Variants in LRRTM4 observed in about 807,000 individuals in gnomAD.
LRRTM4 encodes leucine-rich repeat transmembrane neuronal protein 4.
In LRRTM4, 25 loss-of-function variants were observed where a neutral mutation model predicts 47.6. That is an observed-to-expected ratio of 0.53 (90% CI 0.38 to 0.73). LRRTM4 has a LOEUF of 0.73. Ranked by LOEUF, LRRTM4 falls within the 30% of genes least tolerant of loss-of-function variation. The probability of loss-of-function intolerance (pLI) is 0.00; values close to 1 mark genes in which losing one functional copy is unlikely to be tolerated. For missense variants in LRRTM4, 638 were observed against 713.4 expected (o/e 0.89, Z 1.20); for synonymous variants, 311 against 269.5 (o/e 1.15, Z -1.51).
intron 3 of LRRTM4, among the ~76,000 whole-genome samples, chr2:77,170,389 A>G (rs1359441801): frequency 6.6e-6 from 1 of 152,174 alleles, no homozygotes; most frequent in Non-Finnish European, 1.5e-5. Flanking sequence ...TCCTACAACC[A>G]TAAGGAACTA....
At chr2:76,782,634 C>G (rs376791751) in intron 3 of LRRTM4, among the ~76,000 whole-genome samples, 47 of 152,244 alleles carry the variant, frequency 3.1e-4, no homozygotes, top group African/African-American at 9.6e-4. Context: ...CTGCACGGGT[C>G]TGTGCTTTTT....
chr2:77,521,049 CTTTTT>C (rs1679471107), intron 2 of LRRTM4, among the ~76,000 whole-genome samples: 1 of 149,956 alleles, frequency 6.7e-6, no homozygotes, highest in Non-Finnish European at 1.5e-5. Flanking sequence ...TCTTTTTTTT[CTTTTT>C]AATTTAAAAC....
chr2:76,819,804 C>T (rs899264621), intron 3 of LRRTM4, among the ~76,000 whole-genome samples: 5 of 151,924 alleles, frequency 3.3e-5, no homozygotes, highest in Admixed American at 6.6e-5. Flanking sequence ...TTCATGTACA[C>T]TCATCCTTCC....
At chr2:76,908,337 A>AAG (rs1281349125) in intron 3 of LRRTM4, among the ~76,000 whole-genome samples, 1,899 of 151,828 alleles carry the variant, frequency 0.013, 51 homozygotes, top group South Asian at 0.067. Flanking sequence ...TTGATGGGCC[A>AAG]TATCTCAAAA....
At chr2:76,932,229 CTTGAG>C (rs1674793938) in intron 3 of LRRTM4, among the ~76,000 whole-genome samples, 1 of 152,044 alleles carries the variant, frequency 6.6e-6, no homozygotes, top group South Asian at 2.1e-4. Flanking sequence ...ATGACTGAAC[CTTGAG>C]TTTAGTTACT....
intron 3 of LRRTM4, among the ~76,000 whole-genome samples, chr2:77,221,817 G>A (rs942179358): frequency 6.6e-6 from 1 of 152,094 alleles, no homozygotes; most frequent in Admixed American, 6.6e-5. Flanking sequence ...AGTTAACAGG[G>A]CTATCCAGGA....
intron 3 of LRRTM4, among the ~76,000 whole-genome samples, chr2:76,928,518 A>G (rs10187924): frequency 6.6e-6 from 1 of 151,898 alleles, no homozygotes; most frequent in Non-Finnish European, 1.5e-5. Flanking sequence ...GTGGTGAAAG[A>G]TCAAAGCCTT....
chr2:77,047,009 T>A (rs904263849), intron 3 of LRRTM4, among the ~76,000 whole-genome samples: 5 of 152,062 alleles, frequency 3.3e-5, no homozygotes, highest in African/African-American at 1.2e-4. Flanking sequence ...ATAATAAAGA[T>A]ACATTCTGCT....
At chr2:77,427,629 G>A (rs1435915904) in intron 3 of LRRTM4, among the ~76,000 whole-genome samples, 1 of 152,120 alleles carries the variant, frequency 6.6e-6, no homozygotes, top group African/African-American at 2.4e-5. Context: ...ATATAGTTGA[G>A]TTGTTGATTT....
At chr2:77,073,811 A>G (rs1680243474) in intron 3 of LRRTM4, among the ~76,000 whole-genome samples, 1 of 152,030 alleles carries the variant, frequency 6.6e-6, no homozygotes, top group African/African-American at 2.4e-5. Context: ...TAGTTTTAAA[A>G]ATTCACTATG....
chr2:77,050,036 T>G (rs1325180481), intron 3 of LRRTM4, among the ~76,000 whole-genome samples: 3 of 152,046 alleles, frequency 2.0e-5, no homozygotes, highest in African/African-American at 7.2e-5. Context: ...CATAATATAT[T>G]CTAATTTATA....
At chr2:77,223,144 GA>G (rs1200962017) in intron 3 of LRRTM4, among the ~76,000 whole-genome samples, 4 of 152,204 alleles carry the variant, frequency 2.6e-5, no homozygotes, top group African/African-American at 9.6e-5. Context: ...AAAGGCCTTT[GA>G]AAAAATTCAA....
rs1173919223 is a variant in LRRTM4, at chr2:76,956,404, C to A, written c.1552-207488G>T. Among the ~76,000 whole-genome samples the A allele has an allele frequency of 2.0e-5, 3 of 151,212 alleles. No homozygotes were observed. The Admixed American group carries it at 2.0e-4, about 10-fold the overall frequency. On this transcript the variant is annotated intron_variant, in intron 3 of 3. Transcript: ENST00000409884. ...GTCCAAAGGGAAATTAGAAAATATC[C>A]TGATAGAAACAAAAATAAAGCACAA... is the stretch of plus-strand genomic sequence containing the variant.
chr2:77,167,194 T>C (rs1485522545), intron 3 of LRRTM4, among the ~76,000 whole-genome samples: 4 of 152,180 alleles, frequency 2.6e-5, no homozygotes, highest in African/African-American at 7.2e-5. Context: ...AACAGACTCA[T>C]GAAAAAATGC....
chr2:77,074,594 G>A (rs1680271654), intron 3 of LRRTM4, among the ~76,000 whole-genome samples: 1 of 151,978 alleles, frequency 6.6e-6, no homozygotes, highest in Admixed American at 6.6e-5. Flanking sequence ...TTACATATGT[G>A]TATATATCTG....
chr2:77,391,828 TA>T (rs1334855849), intron 3 of LRRTM4, among the ~76,000 whole-genome samples: 2 of 151,950 alleles, frequency 1.3e-5, no homozygotes, highest in African/African-American at 2.4e-5. Flanking sequence ...CAGGCACAAT[TA>T]ACTGGCATTT....
At chr2:77,130,384 G>T (rs1237740289) in intron 3 of LRRTM4, among the ~76,000 whole-genome samples, 3 of 152,000 alleles carry the variant, frequency 2.0e-5, no homozygotes, top group African/African-American at 7.2e-5. Context: ...TTAAGGGTGT[G>T]GCAGACAGCT....
At chr2:77,485,688 T>G (rs536476434) in intron 3 of LRRTM4, among the ~76,000 whole-genome samples, 1 of 152,270 alleles carries the variant, frequency 6.6e-6, no homozygotes, top group South Asian at 2.1e-4. Context: ...AAAGTGAAGA[T>G]TGGCAGCTTC....
intron 3 of LRRTM4, among the ~76,000 whole-genome samples, chr2:77,049,216 T>C (rs1679345719): frequency 6.8e-6 from 1 of 147,084 alleles, no homozygotes; most frequent in Non-Finnish European, 1.5e-5. Context: ...GCAACTTAGG[T>C]TCATTCCTTA....
Sources: gnomAD v4.1 joint callset for allele counts (sites outside exome capture counted in the v4.1 genomes callset) on GRCh38, gnomAD v4.1.1 for gene constraint, MANE v1.5 for transcripts, NCBI Gene and HGNC (gene_info 2026-07-23, HGNC 2026-07-21) for gene names.